Variants in SPRED2 observed in about 807,000 individuals in gnomAD.
SPRED2 encodes sprouty-related, EVH1 domain-containing protein 2.
Under a neutral mutation model 43.0 loss-of-function variants are expected in SPRED2, and 47 were observed. The ratio of observed to expected loss-of-function variants is 1.09; its 90% CI spans 0.87 to 1.40. The LOEUF (loss-of-function observed/expected upper bound fraction) is 1.40. Among genes scored for constraint, SPRED2 ranks in the 40% most tolerant of loss-of-function variants. The pLI, the probability that SPRED2 is intolerant of heterozygous loss-of-function variation, is 0.00. For missense variants in SPRED2, 561 were observed against 586.4 expected, an observed-to-expected ratio of 0.96 and a Z score of 0.45; for synonymous variants, 225 against 225.7, an observed-to-expected ratio of 1.00 and a Z score of 0.03.
intron 4 of SPRED2, among the ~76,000 whole-genome samples, chr2:65,323,280 C>A (rs2104160067): frequency 6.6e-6 from 1 of 152,298 alleles, no homozygotes; most frequent in East Asian, 1.9e-4. Context: ...CAGGCATGAG[C>A]CACTGCACCT....
Position 65,313,519 on chromosome 2 carries a change from C to T in SPRED2, c.1239G>A (p.Lys413=), listed in dbSNP as rs1673132073. 6.2e-7 allele frequency: 1 copy of T among 1,607,752 alleles called. No individual in the cohort carries two copies. Among genetic ancestry groups the T allele is most frequent in the Non-Finnish European group, 8.5e-7 (1 of 1,177,178 alleles). The change falls in exon 6 of 6, where the codon AAG becomes AAA. Residue 413 remains lysine (K), a synonymous_variant. Transcript: ENST00000356388. ...AACTGAGTCACGCGGCCGCTTTGTG[C>T]TTCCCGCCACAGCACCTGCACATCA... The part of the protein sequence containing the change: ...CGVMCRCCGG[K]HKAAA
chr2:65,341,104 CGTGTGTGTGT>C (rs60332643), intron 2 of SPRED2, among the ~76,000 whole-genome samples: 2 of 137,064 alleles, frequency 1.5e-5, no homozygotes, highest in Admixed American at 7.4e-5. Flanking sequence ...TGGGTACGGG[CGTGTGTGTGT>C]GTGTGTGTGT....
In SPRED2 at chr2:65,334,610, A is replaced by G. The variant is rs761608852; in HGVS notation, c.368T>C (p.Ile123Thr). ...RGVRKAIEDL[I>T]EGSTTSSSTI... is the part of the protein sequence containing the mutation. ...TGCAGCGACAAGTTCAATACCTTCT[A>G]TAAGGTCTTCGATTGCTTTCCTTAC... Residue 123 changes from isoleucine to threonine, a missense_variant, in exon 3 of 6, where the codon ATA becomes ACA. By Grantham distance (89) the Ile-to-Thr change is moderately conservative (BLOSUM62 -1). Coordinates refer to ENST00000356388, the MANE Select transcript of SPRED2 (RefSeq NM_181784.3). 17 of 1,614,076 alleles carry G rather than the reference A, an allele frequency of 1.1e-5. No individual in the cohort carries two copies. The highest frequency in any genetic ancestry group is 4.5e-5 in the East Asian group (2 of 44,898).
At chr2:65,370,148 T>C (rs1390387167) in intron 1 of SPRED2, among the ~76,000 whole-genome samples, 2 of 152,230 alleles carry the variant, frequency 1.3e-5, no homozygotes, top group Admixed American at 6.5e-5. Flanking sequence ...AAATTCAACC[T>C]TGCCTACACT....
intron 2 of SPRED2, among the ~76,000 whole-genome samples, chr2:65,337,387 A>C (rs1407165881): frequency 6.6e-6 from 1 of 152,034 alleles, no homozygotes; most frequent in Non-Finnish European, 1.5e-5. Context: ...AAAAAAAGTG[A>C]TTATGTTCTT....
chr2:65,313,268 CTG>C lies in SPRED2; in HGVS notation c.*231_*232del. ...TGGCGAAGGTTCCTTCCTCAGAACA[CTG>C]TGCGAGCGTGTGTGTATGGATGTGG... On this transcript the variant is annotated 3_prime_UTR_variant, in exon 6 of 6. Coordinates refer to ENST00000356388, the MANE Select transcript of SPRED2 (RefSeq NM_181784.3). 4 of 1,351,400 alleles carry C rather than the reference CTG, an allele frequency of 3.0e-6. No individual in the cohort carries two copies. The highest frequency in any genetic ancestry group is 3.8e-6 in the Non-Finnish European group (4 of 1,056,318). The allele number at this position is 1,351,400 out of a possible 1,614,324, so 83.7% of individuals were successfully genotyped here.
intron 1 of SPRED2, among the ~76,000 whole-genome samples, chr2:65,415,276 T>C (rs1044876667): frequency 6.6e-6 from 1 of 152,212 alleles, no homozygotes; most frequent in Non-Finnish European, 1.5e-5. Flanking sequence ...CACATTTGCA[T>C]GCAGTGCCAC....
intron 4 of SPRED2, among the ~76,000 whole-genome samples, chr2:65,323,192 G>A (rs996712381): frequency 2.0e-5 from 3 of 151,906 alleles, no homozygotes; most frequent in Admixed American, 1.3e-4. Context: ...ACAGGGTTTC[G>A]CCATGTTGGC....
At chr2:65,323,585 A>T (rs1050047059) in intron 4 of SPRED2, among the ~76,000 whole-genome samples, 1 of 151,574 alleles carries the variant, frequency 6.6e-6, no homozygotes, top group African/African-American at 2.4e-5. Flanking sequence ...AAAAAAAAAA[A>T]TCCATCCCTG....
At chr2:65,321,395 G>C (rs1210298015) in intron 4 of SPRED2, among the ~76,000 whole-genome samples, 1 of 151,780 alleles carries the variant, frequency 6.6e-6, no homozygotes, top group African/African-American at 2.4e-5. Flanking sequence ...TGTCCAGCTG[G>C]GTGCAGCTGC....
chr2:65,357,941 T>C (rs990391323), intron 1 of SPRED2, among the ~76,000 whole-genome samples: 8 of 151,762 alleles, frequency 5.3e-5, no homozygotes, highest in Non-Finnish European at 1.0e-4. Flanking sequence ...CAAATGACTT[T>C]TGAGACCCTT....
At chr2:65,331,907 T>C in intron 4 of SPRED2, 80 bp downstream of exon 4, 1 of 1,059,474 alleles carries the variant, frequency 9.4e-7, no homozygotes, top group East Asian at 2.4e-5. Context: ...CATTGCAAAG[T>C]GTGCCTCATG....
chr2:65,381,620 G>C (rs1224872717), intron 1 of SPRED2, among the ~76,000 whole-genome samples: 3 of 152,214 alleles, frequency 2.0e-5, no homozygotes, highest in Admixed American at 2.0e-4. Flanking sequence ...TCCAGCAAAG[G>C]TTCAGTACAT....
chr2:65,332,199 T>A, intron 3 of SPRED2, 148 bp from the exon 4 acceptor site: 2 of 515,928 alleles, frequency 3.9e-6, no homozygotes, highest in South Asian at 5.2e-5. Context: ...AATTGAGTGC[T>A]TTTAATTTAC....
intron 1 of SPRED2, among the ~76,000 whole-genome samples, chr2:65,404,115 G>T (rs1675966598): frequency 6.6e-6 from 1 of 151,464 alleles, no homozygotes; most frequent in African/African-American, 2.4e-5. Context: ...TGAGGCAGGA[G>T]AACTCTTGAA....
At chr2:65,380,112 T>C (rs1190867875) in intron 1 of SPRED2, among the ~76,000 whole-genome samples, 1 of 152,188 alleles carries the variant, frequency 6.6e-6, no homozygotes, top group Non-Finnish European at 1.5e-5. Flanking sequence ...GAATTCTGTA[T>C]ATCATAAGGT....
downstream of SPRED2, among the ~76,000 whole-genome samples, chr2:65,309,057 G>A (rs536899521): frequency 9.4e-4 from 143 of 152,106 alleles, no homozygotes; most frequent in African/African-American, 3.3e-3. Flanking sequence ...TCAGGAGGCT[G>A]GGGCAGGAGA....
intron 1 of SPRED2, among the ~76,000 whole-genome samples, chr2:65,430,982 GC>G: frequency 6.6e-6 from 1 of 152,092 alleles, no homozygotes; most frequent in African/African-American, 2.4e-5. Flanking sequence ...CCGCGGCCCC[GC>G]CCCCGTCGCA....
intron 1 of SPRED2, among the ~76,000 whole-genome samples, chr2:65,423,707 T>G (rs537114084): frequency 3.3e-4 from 50 of 152,094 alleles, no homozygotes; most frequent in African/African-American, 1.2e-3. Context: ...GGTAGATGGA[T>G]GCTACTGAAT....
Sources: gnomAD v4.1 joint callset for allele counts (sites outside exome capture counted in the v4.1 genomes callset) on GRCh38, gnomAD v4.1.1 for gene constraint, MANE v1.5 for transcripts, NCBI Gene and HGNC (gene_info 2026-07-23, HGNC 2026-07-21) for gene names.